The following PTPRD variants were observed in gnomAD, a reference collection of about 807,000 sequenced individuals.
The protein encoded by PTPRD is protein tyrosine phosphatase receptor type D.
In PTPRD, 34 loss-of-function variants were observed where a neutral mutation model predicts 214.5. The observed-to-expected ratio is 0.16, with a 90% CI of 0.12 to 0.21. The LOEUF is 0.21. Ranked by LOEUF, PTPRD falls within the 10% of genes least tolerant of loss-of-function variation. The pLI is 1.00. For missense variants in PTPRD, 2,545 were observed against 2,398.7 expected, an observed-to-expected ratio of 1.06 and a Z score of -1.27; for synonymous variants, 1,128 against 845.7, an observed-to-expected ratio of 1.33 and a Z score of -5.79.
intron 10 of PTPRD, among the ~76,000 whole-genome samples, chr9:9,058,442 G>GTTTTTTTTTT (rs777910266): frequency 0.1 from 7,017 of 69,704 alleles, 2,348 homozygotes; most frequent in Non-Finnish European, 0.14. Context: ...TATTATGAGG[G>GTTTTTTTTTT]TTTTTTTTTT....
chr9:8,880,891 C>A (rs2098440260), intron 11 of PTPRD, among the ~76,000 whole-genome samples: 1 of 152,002 alleles, frequency 6.6e-6, no homozygotes, highest in African/African-American at 2.4e-5. Context: ...CTCAAGCCAT[C>A]CTCCCACATG....
chr9:9,060,123 T>C (rs62529463), intron 10 of PTPRD, among the ~76,000 whole-genome samples: 20,158 of 152,200 alleles, frequency 0.13, 1,402 homozygotes, highest in Middle Eastern at 0.2. Context: ...ATAAGGGAGC[T>C]AGGGGAAAGA....
At chr9:8,684,138 C>A (rs1349221402) in intron 12 of PTPRD, among the ~76,000 whole-genome samples, 1 of 152,134 alleles carries the variant, frequency 6.6e-6, no homozygotes, top group Non-Finnish European at 1.5e-5. Context: ...CTATAGAAAT[C>A]TGTGATAGTA....
At chr9:9,817,267 T>G (rs1796312781) in intron 5 of PTPRD, among the ~76,000 whole-genome samples, 1 of 152,208 alleles carries the variant, frequency 6.6e-6, no homozygotes, top group Non-Finnish European at 1.5e-5. Context: ...TAGGGACTAC[T>G]GTAAACCAGA....
At chr9:10,105,331 C>A (rs980854327) in intron 3 of PTPRD, among the ~76,000 whole-genome samples, 1 of 151,690 alleles carries the variant, frequency 6.6e-6, no homozygotes, top group African/African-American at 2.4e-5. Flanking sequence ...CACCTAGTTC[C>A]TTTTATGGTA....
In PTPRD at chr9:9,620,656, C is replaced by A. The variant is rs775903867; in HGVS notation, c.-286-45875G>T. Among the ~76,000 whole-genome samples the A allele has an allele frequency of 7.9e-5, 12 of 152,184 alleles. No individual in the cohort carries two copies. The South Asian group carries it at 8.3e-4, about 11-fold the overall frequency. On this transcript the variant is annotated intron_variant, in intron 7 of 45. Coordinates refer to ENST00000381196, the MANE Select transcript of PTPRD (RefSeq NM_002839.4). The stretch of plus-strand genomic sequence containing the variant: ...ATTTGAAGGTTATGACCTAGGCCCA[C>A]ATTGAGATAACTCTTTTTCACTATT...
At chr9:9,203,250 C>A (rs573969941) in intron 9 of PTPRD, among the ~76,000 whole-genome samples, 63 of 151,562 alleles carry the variant, frequency 4.2e-4, no homozygotes, top group African/African-American at 1.5e-3. Context: ...CACACACAAA[C>A]ACACACACAC....
chr9:9,987,170 G>A (rs1250319466), intron 4 of PTPRD, among the ~76,000 whole-genome samples: 1 of 152,104 alleles, frequency 6.6e-6, no homozygotes, highest in East Asian at 1.9e-4. Flanking sequence ...CTTTTCTCTG[G>A]GTAGGCTGAC....
rs148150684 is a variant in PTPRD, at chr9:9,179,429, A to G, written c.-143+3875T>C. Among the ~76,000 whole-genome samples the G allele has an allele frequency of 2.9e-4, 44 of 152,274 alleles. No homozygotes were observed. In the East Asian group the frequency reaches 4.2e-3, roughly 15 times the overall value. On this transcript the variant is annotated intron_variant, in intron 10 of 45. Coordinates refer to ENST00000381196, the MANE Select transcript of PTPRD (RefSeq NM_002839.4). ...ATTATGAAAAGTGACACTGATGATT[A>G]CATGACAAAGAAAGCTCACTTAACC... is the stretch of plus-strand genomic sequence containing the variant.
intron 7 of PTPRD, among the ~76,000 whole-genome samples, chr9:9,696,541 T>C (rs1405978023): frequency 6.6e-6 from 1 of 152,162 alleles, no homozygotes; most frequent in East Asian, 1.9e-4. Context: ...CTCATCCTTT[T>C]ATCATTATGT....
At chr9:10,482,533 C>T (rs538236145) in intron 2 of PTPRD, among the ~76,000 whole-genome samples, 28 of 151,878 alleles carry the variant, frequency 1.8e-4, no homozygotes, top group African/African-American at 6.3e-4. Context: ...CTAAAAGACC[C>T]CTCCAAAAGA....
chr9:8,543,429 C>A (rs755843320), intron 14 of PTPRD, among the ~76,000 whole-genome samples: 10 of 152,180 alleles, frequency 6.6e-5, no homozygotes, highest in Non-Finnish European at 1.2e-4. Flanking sequence ...TTCAATTGCT[C>A]AGTGATGATG....
intron 8 of PTPRD, among the ~76,000 whole-genome samples, chr9:9,423,432 G>A (rs1251290626): frequency 1.3e-5 from 2 of 152,144 alleles, no homozygotes; most frequent in Non-Finnish European, 2.9e-5. Context: ...GGACTTCTCA[G>A]CCTCAAGGAT....
chr9:9,728,559 A>G (rs566829260), intron 7 of PTPRD, among the ~76,000 whole-genome samples: 8 of 152,286 alleles, frequency 5.3e-5, no homozygotes, highest in African/African-American at 1.9e-4. Context: ...CTAAAAGGTA[A>G]AAAGAGCCAA....
intron 8 of PTPRD, among the ~76,000 whole-genome samples, chr9:9,503,438 T>G (rs986008022): frequency 6.6e-6 from 1 of 151,622 alleles, no homozygotes; most frequent in Non-Finnish European, 1.5e-5. Context: ...ATGCCACACA[T>G]GTCAATAGGG....
At chr9:10,510,892 T>A (rs2047789093) in intron 2 of PTPRD, among the ~76,000 whole-genome samples, 1 of 152,174 alleles carries the variant, frequency 6.6e-6, no homozygotes, top group Non-Finnish European at 1.5e-5. Flanking sequence ...ATCACCATTC[T>A]ATTCACTACC....
Position 9,594,781 on chromosome 9 carries a change from C to T in PTPRD, c.-286-20000G>A, listed in dbSNP as rs749312663. Among the ~76,000 whole-genome samples, 25 of 152,142 alleles carry T rather than the reference C, an allele frequency of 1.6e-4. No homozygotes were observed. The South Asian group carries it at 4.8e-3, about 29-fold the overall frequency. The stretch of plus-strand genomic sequence containing the variant: ...TTTGCACAGCAAAAGGAATAGTCAG[C>T]AGAGTAAACAGACAACCCACAGAGT... On this transcript the variant is annotated intron_variant, in intron 7 of 45. Coordinates refer to ENST00000381196, the MANE Select transcript of PTPRD (RefSeq NM_002839.4).
chr9:9,700,328 A>G (rs2097470718), intron 7 of PTPRD, among the ~76,000 whole-genome samples: 1 of 152,112 alleles, frequency 6.6e-6, no homozygotes, highest in Non-Finnish European at 1.5e-5. Flanking sequence ...TATTAGAGAA[A>G]TAAGTATTTT....
At chr9:9,223,643 T>C (rs1343380554) in intron 9 of PTPRD, among the ~76,000 whole-genome samples, 1 of 152,012 alleles carries the variant, frequency 6.6e-6, no homozygotes, top group Non-Finnish European at 1.5e-5. Context: ...AAAGTAGACA[T>C]CATTCCACTA....
Sources: gnomAD v4.1 joint callset for allele counts (sites outside exome capture counted in the v4.1 genomes callset) on GRCh38, gnomAD v4.1.1 for gene constraint, MANE v1.5 for transcripts, NCBI Gene and HGNC (gene_info 2026-07-23, HGNC 2026-07-21) for gene names.